Variants in HS6ST3 observed in about 807,000 individuals in gnomAD.
HS6ST3 encodes heparan-sulfate 6-O-sulfotransferase 3.
A neutral mutation model predicts 36.7 loss-of-function variants in HS6ST3; 12 were observed. The ratio of observed to expected loss-of-function variants is 0.33; its 90% CI spans 0.21 to 0.53. The LOEUF is 0.53. Ranked by LOEUF, HS6ST3 falls within the 20% of genes least tolerant of loss-of-function variation. The pLI, the probability that HS6ST3 is intolerant of heterozygous loss-of-function variation, is 0.95. For missense variants in HS6ST3, 584 were observed against 640.9 expected, an observed-to-expected ratio of 0.91 and a Z score of 0.96; for synonymous variants, 240 against 257.5, an observed-to-expected ratio of 0.93 and a Z score of 0.65.
intron 1 of HS6ST3, among the ~76,000 whole-genome samples, chr13:96,743,468 A>G (rs1438159476): frequency 2.0e-5 from 3 of 152,104 alleles, no homozygotes; most frequent in East Asian, 1.9e-4. Flanking sequence ...CCTGGAGAAC[A>G]TGGTCATTAA....
At chr13:96,320,559 A>G (rs2054998219) in intron 1 of HS6ST3, among the ~76,000 whole-genome samples, 1 of 152,224 alleles carries the variant, frequency 6.6e-6, no homozygotes, top group Admixed American at 6.5e-5. Context: ...GGGCCTTTCT[A>G]TCTTTGAGAT....
chr13:96,521,408 T>A (rs951605341), intron 1 of HS6ST3, among the ~76,000 whole-genome samples: 11 of 152,230 alleles, frequency 7.2e-5, no homozygotes, highest in Non-Finnish European at 1.6e-4. Flanking sequence ...TTGATTGGAA[T>A]AGTTTCAGAA....
intron 1 of HS6ST3, among the ~76,000 whole-genome samples, chr13:96,167,459 C>T (rs925469570): frequency 3.3e-5 from 5 of 152,068 alleles, no homozygotes; most frequent in Non-Finnish European, 5.9e-5. Flanking sequence ...GTGCCATGTG[C>T]TCTTGGTTTA....
intron 1 of HS6ST3, among the ~76,000 whole-genome samples, chr13:96,284,748 CTGCTTGCTTGCTTGCTTGCT>C (rs72180855): frequency 2.0e-5 from 3 of 150,426 alleles, no homozygotes; most frequent in Non-Finnish European, 3.0e-5. Context: ...GGATACTGGT[CTGCTTGCTTGCTTGCTTGCT>C]TGCTTGCTTG....
Position 96,603,856 on chromosome 13 carries a change from T to C in HS6ST3, c.708-228634T>C, listed in dbSNP as rs192394012. On this transcript the variant is annotated intron_variant, in intron 1 of 1. Coordinates refer to ENST00000376705, the MANE Select transcript of HS6ST3 (RefSeq NM_153456.4). ...AAGCTGATCACTTTATTTTGTGAAA[T>C]TTTACCCATGTGTCTACTTGAACCT... 8.6e-4 allele frequency among the ~76,000 whole-genome samples: 131 copies of C among 152,302 alleles called. 1 individual carries two copies. The highest frequency in any genetic ancestry group is 2.1e-3 in the South Asian group (10 of 4,834).
chr13:96,132,174 A>C (rs1479591782), intron 1 of HS6ST3, among the ~76,000 whole-genome samples: 1 of 143,910 alleles, frequency 6.9e-6, no homozygotes, highest in Non-Finnish European at 1.5e-5. Flanking sequence ...ACACACACAG[A>C]GCGCATTTTC....
chr13:96,613,212 C>G (rs558173921), intron 1 of HS6ST3, among the ~76,000 whole-genome samples: 28 of 152,278 alleles, frequency 1.8e-4, no homozygotes, highest in African/African-American at 6.7e-4. Flanking sequence ...TTTTATTTAT[C>G]AGATATTATC....
At chr13:96,518,071 G>A (rs1162195225) in intron 1 of HS6ST3, among the ~76,000 whole-genome samples, 1 of 152,114 alleles carries the variant, frequency 6.6e-6, no homozygotes, top group Non-Finnish European at 1.5e-5. Context: ...ACATGATGGA[G>A]CTGGGGGCTA....
chr13:96,139,440 G>A (rs1436116514), intron 1 of HS6ST3, among the ~76,000 whole-genome samples: 4 of 145,572 alleles, frequency 2.7e-5, no homozygotes, highest in Non-Finnish European at 1.5e-5. Flanking sequence ...TTTGATGAGT[G>A]TAAGCGGGTA....
intron 1 of HS6ST3, among the ~76,000 whole-genome samples, chr13:96,275,116 A>G (rs2054741665): frequency 6.6e-6 from 1 of 152,136 alleles, no homozygotes; most frequent in Non-Finnish European, 1.5e-5. Context: ...GAAGATACCT[A>G]TGATGAAGGG....
intron 1 of HS6ST3, among the ~76,000 whole-genome samples, chr13:96,243,230 G>A (rs1369082881): frequency 6.6e-6 from 1 of 152,136 alleles, no homozygotes; most frequent in East Asian, 1.9e-4. Context: ...ATAGCTAGTG[G>A]CTTCCATATT....
intron 1 of HS6ST3, among the ~76,000 whole-genome samples, chr13:96,337,259 G>A (rs1046547715): frequency 6.6e-6 from 1 of 152,032 alleles, no homozygotes; most frequent in African/African-American, 2.4e-5. Flanking sequence ...GTAGAGACGT[G>A]GTTTCAGTGG....
At chr13:96,232,005 G>A (rs549121959) in intron 1 of HS6ST3, among the ~76,000 whole-genome samples, 1 of 152,254 alleles carries the variant, frequency 6.6e-6, no homozygotes, top group African/African-American at 2.4e-5. Context: ...GTATAAGAGG[G>A]ATACACATAG....
chr13:96,346,360 A>G (rs146024216), intron 1 of HS6ST3, among the ~76,000 whole-genome samples: 2,485 of 152,146 alleles, frequency 0.016, 29 homozygotes, highest in Middle Eastern at 0.044. Flanking sequence ...GGATCATGAG[A>G]TCAGGAGATC....
intron 1 of HS6ST3, among the ~76,000 whole-genome samples, chr13:96,470,146 T>C (rs1473627220): frequency 1.3e-5 from 2 of 152,194 alleles, no homozygotes; most frequent in Non-Finnish European, 2.9e-5. Context: ...CTTGTTGTTA[T>C]ACCTGAGAGG....
intron 1 of HS6ST3, among the ~76,000 whole-genome samples, chr13:96,345,931 A>T (rs1453670790): frequency 6.6e-6 from 1 of 152,218 alleles, no homozygotes; most frequent in Non-Finnish European, 1.5e-5. Flanking sequence ...CCTGGGCTGC[A>T]GGTGGCCCAT....
chr13:96,212,476 T>A (rs1052940398), intron 1 of HS6ST3, among the ~76,000 whole-genome samples: 2 of 152,152 alleles, frequency 1.3e-5, no homozygotes, highest in Non-Finnish European at 2.9e-5. Flanking sequence ...AGATCTTGCA[T>A]GTATGTGTTC....
chr13:96,507,019 T>C (rs2056029310), intron 1 of HS6ST3, among the ~76,000 whole-genome samples: 1 of 152,140 alleles, frequency 6.6e-6, no homozygotes, highest in South Asian at 2.1e-4. Context: ...TGTCAGTCTG[T>C]TGACAATGAG....
chr13:96,326,684 G>A (rs1302854465), intron 1 of HS6ST3, among the ~76,000 whole-genome samples: 2 of 152,090 alleles, frequency 1.3e-5, no homozygotes, highest in East Asian at 3.9e-4. Flanking sequence ...AATCCTTTGG[G>A]TATTTACCCA....
Sources: allele counts gnomAD v4.1 joint callset (sites outside exome capture counted in the v4.1 genomes callset), GRCh38; gene constraint gnomAD v4.1.1; transcripts MANE v1.5; gene names NCBI Gene and HGNC (gene_info 2026-07-23, HGNC 2026-07-21).